Variants in ESR1 observed in about 807,000 individuals in gnomAD.
ESR1 encodes the protein estrogen receptor 1, also known as estrogen receptor.
ESR1 carries 12 observed loss-of-function variants against 52.7 expected under a neutral mutation model. That is an observed-to-expected ratio of 0.23 (90% CI 0.15 to 0.37). The LOEUF is 0.37. Ranked by LOEUF, ESR1 falls within the 10% of genes least tolerant of loss-of-function variation. ESR1 has a pLI of 1.00. For synonymous variants in ESR1, 305 were observed against 316.8 expected (o/e 0.96, Z 0.39); for missense variants, 584 against 779.7 (o/e 0.75, Z 2.99).
At chr6:151,759,376 T>C (rs1272130424) in intron 2 of ESR1, among the ~76,000 whole-genome samples, 1 of 151,990 alleles carries the variant, frequency 6.6e-6, no homozygotes, top group Non-Finnish European at 1.5e-5. Context: ...ATTATGTTTA[T>C]AAATTAGAGG....
At chr6:152,119,302 T>G (rs2051248234) in intron 6 of ESR1, among the ~76,000 whole-genome samples, 1 of 152,182 alleles carries the variant, frequency 6.6e-6, no homozygotes, top group Non-Finnish European at 1.5e-5. Flanking sequence ...AGAAGTCTTC[T>G]CTTCTCACTT....
chr6:152,079,611 C>A (rs1314940259), intron 6 of ESR1, among the ~76,000 whole-genome samples: 1 of 152,110 alleles, frequency 6.6e-6, no homozygotes, highest in East Asian at 1.9e-4. Flanking sequence ...TCCTCACCAG[C>A]AAGGGAACAA....
intron 7 of ESR1, among the ~76,000 whole-genome samples, chr6:152,097,625 C>T (rs538393993): frequency 1.5e-4 from 23 of 152,274 alleles, no homozygotes; most frequent in Middle Eastern, 3.4e-3. Flanking sequence ...TCCCCACCCC[C>T]GCCACCAGTA....
At chr6:151,836,333 A>G (rs919745851) in intron 1 of ESR1, among the ~76,000 whole-genome samples, 1 of 152,230 alleles carries the variant, frequency 6.6e-6, no homozygotes, top group Non-Finnish European at 1.5e-5. Flanking sequence ...AGGCCTCACA[A>G]TCATGGCATA....
intron 4 of ESR1, among the ~76,000 whole-genome samples, chr6:151,974,792 A>G (rs567356367): frequency 1.3e-5 from 2 of 152,312 alleles, no homozygotes; most frequent in South Asian, 2.1e-4. Flanking sequence ...TTGAAACTAT[A>G]ACAGGTTTTT....
At chr6:151,788,073 A>C (rs781428666) in intron 2 of ESR1, among the ~76,000 whole-genome samples, 6 of 152,180 alleles carry the variant, frequency 3.9e-5, no homozygotes, top group African/African-American at 1.4e-4. Context: ...GATGAAGATG[A>C]CAAAAGCAAT....
intron 4 of ESR1, among the ~76,000 whole-genome samples, chr6:151,993,504 G>A (rs2041212132): frequency 6.6e-6 from 1 of 152,172 alleles, no homozygotes; most frequent in Non-Finnish European, 1.5e-5. Context: ...AACAAGTCAA[G>A]GAAAGGACCA....
intron 5 of ESR1, among the ~76,000 whole-genome samples, chr6:152,044,323 A>G (rs1169911306): frequency 6.6e-6 from 1 of 152,212 alleles, no homozygotes; most frequent in Non-Finnish European, 1.5e-5. Flanking sequence ...CAGAAACCCC[A>G]AAACCATCTA....
intron 6 of ESR1, among the ~76,000 whole-genome samples, chr6:152,069,077 T>C (rs1764040058): frequency 7.3e-6 from 1 of 137,510 alleles, no homozygotes; most frequent in Non-Finnish European, 1.5e-5. Context: ...GCATGTTGCA[T>C]GGTAACAGAC....
At chr6:151,964,506 G>T (rs954093691) in intron 4 of ESR1, among the ~76,000 whole-genome samples, 1 of 151,808 alleles carries the variant, frequency 6.6e-6, no homozygotes, top group Non-Finnish European at 1.5e-5. Flanking sequence ...ATGGATTTTT[G>T]CATGTTTATT....
intron 4 of ESR1, among the ~76,000 whole-genome samples, chr6:151,963,833 C>A (rs372561138): frequency 3.9e-5 from 6 of 152,172 alleles, no homozygotes; most frequent in African/African-American, 1.4e-4. Context: ...AATTTTAATC[C>A]ATTTTGAATG....
chr6:151,948,049 A>G (rs2128545624), intron 4 of ESR1, among the ~76,000 whole-genome samples: 1 of 152,302 alleles, frequency 6.6e-6, no homozygotes, highest in South Asian at 2.1e-4. Context: ...CTATTATTTT[A>G]CACATGGTGA....
At chr6:152,038,757 A>T (rs2045535235) in intron 5 of ESR1, among the ~76,000 whole-genome samples, 1 of 151,876 alleles carries the variant, frequency 6.6e-6, no homozygotes, top group South Asian at 2.1e-4. Context: ...CAGCCTCCCG[A>T]GTAGCTGGGA....
At chr6:151,923,105 A>C (rs2032021281) in intron 3 of ESR1, among the ~76,000 whole-genome samples, 1 of 152,226 alleles carries the variant, frequency 6.6e-6, no homozygotes, top group African/African-American at 2.4e-5. Context: ...TTTATCAACT[A>C]GAGTATAGTG....
At chr6:152,045,878 G>A (rs2046193169) in intron 5 of ESR1, among the ~76,000 whole-genome samples, 1 of 152,204 alleles carries the variant, frequency 6.6e-6, no homozygotes, top group South Asian at 2.1e-4. Flanking sequence ...AAGTTAGTAA[G>A]TCTACAAAAT....
intron 4 of ESR1, among the ~76,000 whole-genome samples, chr6:151,963,938 A>G (rs543935162): frequency 1.7e-3 from 252 of 152,256 alleles, no homozygotes; most frequent in African/African-American, 5.7e-3. Context: ...TCCTTTCCCT[A>G]TTGTGTATTC....
At position 151,808,372 on chromosome 6, in the gene ESR1, C is replaced by T; in HGVS notation, c.452+8C>T. On this transcript the variant is annotated splice_region_variant and intron_variant, in intron 1 of 7. Coordinates refer to ENST00000206249, the MANE Select transcript of ESR1 (RefSeq NM_000125.4). ...CCCGCCGGCATTCTACAGGTACCCGCGCCCGCGCCGCCCGTCGGGGTGGCC... is the reference window on the plus strand; with the variant it reads ...CCCGCCGGCATTCTACAGGTACCCGTGCCCGCGCCGCCCGTCGGGGTGGCC... 1 of 1,449,646 alleles carries T rather than the reference C, an allele frequency of 6.9e-7. No individual in the cohort carries two copies. Among genetic ancestry groups the T allele is most frequent in the Non-Finnish European group, 9.0e-7 (1 of 1,107,628 alleles). The allele number at this position is 1,449,646 out of a possible 1,614,324, so 89.8% of individuals were successfully genotyped here. A position where few individuals can be genotyped will look rare whatever the true frequency, so the allele number is the denominator to read the frequency against.
intron 2 of ESR1, among the ~76,000 whole-genome samples, chr6:151,732,639 T>G (rs1366594468): frequency 6.6e-6 from 1 of 152,060 alleles, no homozygotes. Context: ...CTATTGCTTT[T>G]TAAGAGCATT....
intron 1 of ESR1, among the ~76,000 whole-genome samples, chr6:151,841,676 A>G (rs776620146): frequency 3.4e-5 from 5 of 147,160 alleles, no homozygotes; most frequent in African/African-American, 5.0e-5. Flanking sequence ...CTTACTGTTC[A>G]TTTTCAGTTT....
Sources: allele counts gnomAD v4.1 joint callset (sites outside exome capture counted in the v4.1 genomes callset), GRCh38; gene constraint gnomAD v4.1.1; transcripts MANE v1.5; gene names NCBI Gene and HGNC (gene_info 2026-07-23, HGNC 2026-07-21).